NIM1K: variants seen among roughly 807,000 people sequenced by gnomAD.
The protein encoded by NIM1K is serine/threonine-protein kinase NIM1.
A neutral mutation model predicts 37.1 loss-of-function variants in NIM1K; 35 were observed. The observed-to-expected ratio is 0.94, with a 90% confidence interval of 0.72 to 1.25. The LOEUF (loss-of-function observed/expected upper bound fraction) is 1.25, where lower values mean the gene tolerates loss of function less well. Ranked by LOEUF, NIM1K falls within the 50% of genes most tolerant of loss-of-function variation. The pLI, the probability that NIM1K is intolerant of heterozygous loss-of-function variation, is 0.00. For synonymous variants in NIM1K, 234 were observed against 206.6 expected (o/e 1.13, Z -1.14); for missense variants, 564 against 548.0 (o/e 1.03, Z -0.29).
chr5:43,265,470 G>A (rs933989703), intron 2 of NIM1K, among the ~76,000 whole-genome samples: 1 of 152,106 alleles, frequency 6.6e-6, no homozygotes, highest in Non-Finnish European at 1.5e-5. Context: ...AGCTCCATCA[G>A]GTCATTTAAG....
At chr5:43,248,280 T>G (rs904746394) in intron 2 of NIM1K, among the ~76,000 whole-genome samples, 3 of 152,222 alleles carry the variant, frequency 2.0e-5, no homozygotes, top group Non-Finnish European at 2.9e-5. Context: ...GTTGGAAAAC[T>G]TAGCTGTGGC....
chr5:43,220,444 A>G (rs771947341), intron 1 of NIM1K, among the ~76,000 whole-genome samples: 3 of 151,842 alleles, frequency 2.0e-5, no homozygotes, highest in Non-Finnish European at 4.4e-5. Flanking sequence ...CACCACCACG[A>G]CTGGCTAATT....
intron 1 of NIM1K, among the ~76,000 whole-genome samples, chr5:43,230,286 G>A (rs1752518940): frequency 6.6e-6 from 1 of 151,970 alleles, no homozygotes; most frequent in African/African-American, 2.4e-5. Context: ...TCAGCACATG[G>A]CTTCCATCTT....
At chr5:43,269,908 G>A (rs866270385) in intron 2 of NIM1K, among the ~76,000 whole-genome samples, 4 of 152,194 alleles carry the variant, frequency 2.6e-5, no homozygotes, top group South Asian at 4.2e-4. Flanking sequence ...GTGAGCCACC[G>A]TGCCCGGCCA....
In NIM1K at chr5:43,245,842, G is replaced by A. The variant is rs143879963; in HGVS notation, c.67G>A (p.Asp23Asn). 2,281 of 1,614,052 alleles carry A rather than the reference G, an allele frequency of 1.4e-3. 10 individuals carry two copies. The highest frequency in any genetic ancestry group is 3.3e-3 in the Admixed American group (200 of 60,004). Residue 23 changes from aspartate to asparagine, a missense_variant, in exon 2 of 4, where the codon GAC (aspartate) becomes AAC (asparagine). Asp to Asn is a conservative substitution (Grantham distance 23). Transcript: ENST00000326035. Reference sequence around the variant, plus strand: ...CCACTATGCCCGGTGGGATCGGCGCGACAGTGTAGAAAGTGGCTGTCAGAC... The same window carrying A: ...CCACTATGCCCGGTGGGATCGGCGCAACAGTGTAGAAAGTGGCTGTCAGAC... Reference protein sequence around the residue: ...NPHYARWDRRDSVESGCQTES... With the variant: ...NPHYARWDRRNSVESGCQTES...
intron 2 of NIM1K, among the ~76,000 whole-genome samples, chr5:43,269,356 T>C (rs1023439686): frequency 1.3e-5 from 2 of 150,208 alleles, no homozygotes; most frequent in Admixed American, 1.3e-4. Flanking sequence ...TGCTAGCCTT[T>C]GGTTTCCATA....
At chr5:43,209,990 G>C (rs1650630406) in intron 1 of NIM1K, among the ~76,000 whole-genome samples, 2 of 152,176 alleles carry the variant, frequency 1.3e-5, no homozygotes, top group Non-Finnish European at 2.9e-5. Flanking sequence ...CTGGTGCCCA[G>C]AATCTGAAAT....
At position 43,280,832 on chromosome 5, in the gene NIM1K, CTT is replaced by C. The variant is rs1753433031; in HGVS notation, c.*104_*105del. On this transcript the variant is annotated 3_prime_UTR_variant, in exon 4 of 4. Transcript: ENST00000326035. ...GACATTTTTGTAATTTTTAAATAAA[CTT>C]AAATTTGAGATATGCATTTTTTTTC... The C allele has an allele frequency of 8.6e-7, 1 of 1,157,114 alleles. No individual in the cohort carries two copies. Among genetic ancestry groups the C allele is most frequent in the Non-Finnish European group, 1.2e-6 (1 of 837,138 alleles). 71.7% of individuals were successfully genotyped at this position (1,157,114 alleles called of 1,614,324 possible).
chr5:43,268,346 T>C (rs1169325777), intron 2 of NIM1K, among the ~76,000 whole-genome samples: 1 of 152,194 alleles, frequency 6.6e-6, no homozygotes, highest in Non-Finnish European at 1.5e-5. Context: ...ATCAATCTCA[T>C]CAAAGGCTTG....
chr5:43,261,706 T>A (rs1284511867), intron 2 of NIM1K, among the ~76,000 whole-genome samples: 2 of 152,114 alleles, frequency 1.3e-5, no homozygotes, highest in South Asian at 2.1e-4. Context: ...CTGAATGGTA[T>A]TGCCTAGGTT....
At position 43,277,334 on chromosome 5, in the gene NIM1K, G is replaced by A. The variant is rs752934938; in HGVS notation, c.561+9G>A. On this transcript the variant is annotated intron_variant, in intron 3 of 3. Transcript: ENST00000326035. The stretch of plus-strand genomic sequence containing the variant: ...CTGCCGTGAAGCACATGGTGAGCAG[G>A]GGTGACGAGTGAGAACCTTGCTCCC... 6.2e-7 allele frequency: 1 copy of A among 1,611,580 alleles called. No individual in the cohort carries two copies. Among genetic ancestry groups the A allele is most frequent in the Admixed American group, 1.7e-5 (1 of 59,912 alleles).
chr5:43,239,495 C>T (rs529557354), intron 1 of NIM1K, among the ~76,000 whole-genome samples: 1 of 151,562 alleles, frequency 6.6e-6, no homozygotes, highest in Non-Finnish European at 1.5e-5. Flanking sequence ...GCCTTGGCCT[C>T]CCAAAGTGTT....
chr5:43,199,981 T>C (rs1055720769), intron 1 of NIM1K, among the ~76,000 whole-genome samples: 1 of 152,118 alleles, frequency 6.6e-6, no homozygotes, highest in Non-Finnish European at 1.5e-5. Flanking sequence ...GTTCAAGTGA[T>C]TCTCCTGCTT....
chr5:43,213,180 TC>T (rs1260951015), intron 1 of NIM1K, among the ~76,000 whole-genome samples: 120 of 79,902 alleles, frequency 1.5e-3, no homozygotes, highest in Non-Finnish European at 2.3e-3. Flanking sequence ...TTTCTTTCTT[TC>T]TTTCTTTCTT....
intron 2 of NIM1K, among the ~76,000 whole-genome samples, chr5:43,259,546 T>A (rs977313779): frequency 3.3e-5 from 5 of 152,314 alleles, no homozygotes; most frequent in Admixed American, 3.3e-4. Flanking sequence ...TGTAGAGTGT[T>A]TTTCCATATG....
chr5:43,227,188 C>T (rs1752469986), intron 1 of NIM1K, among the ~76,000 whole-genome samples: 1 of 152,080 alleles, frequency 6.6e-6, no homozygotes, highest in Non-Finnish European at 1.5e-5. Context: ...TGGAGAAACC[C>T]TGTCTCTACT....
intron 2 of NIM1K, among the ~76,000 whole-genome samples, chr5:43,262,636 A>G (rs1753050216): frequency 6.6e-6 from 1 of 152,130 alleles, no homozygotes; most frequent in Non-Finnish European, 1.5e-5. Flanking sequence ...CAGAACTTCC[A>G]ACACTATGTT....
intron 1 of NIM1K, among the ~76,000 whole-genome samples, chr5:43,198,226 TTTC>T (rs1751960872): frequency 3.1e-5 from 4 of 128,242 alleles, no homozygotes; most frequent in Non-Finnish European, 3.4e-5. Flanking sequence ...TCTTTCTTTC[TTTC>T]TTTCTTTCTT....
chr5:43,241,826 T>C (rs1345310804), intron 1 of NIM1K, among the ~76,000 whole-genome samples: 2 of 152,052 alleles, frequency 1.3e-5, no homozygotes, highest in Non-Finnish European at 2.9e-5. Context: ...CAATGTTTTC[T>C]TTAATGGCTT....
Sources: allele counts gnomAD v4.1 joint callset (sites outside exome capture counted in the v4.1 genomes callset), GRCh38; gene constraint gnomAD v4.1.1; transcripts MANE v1.5; gene names NCBI Gene and HGNC (gene_info 2026-07-23, HGNC 2026-07-21).